FASTKD2: variants seen among roughly 807,000 people sequenced by gnomAD.
FASTKD2 encodes the protein FAST kinase domain-containing protein 2, mitochondrial.
Under a neutral mutation model 63.6 loss-of-function variants are expected in FASTKD2, and 51 were observed. The ratio of observed to expected loss-of-function variants is 0.80; its 90% CI spans 0.64 to 1.01. The LOEUF is 1.01. Among genes scored for constraint, FASTKD2 ranks in the 50% least tolerant of loss-of-function variants. The pLI is 0.00. For missense variants in FASTKD2, 786 were observed against 831.1 expected, an observed-to-expected ratio of 0.95 and a Z score of 0.67; for synonymous variants, 284 against 293.4, an observed-to-expected ratio of 0.97 and a Z score of 0.33.
chr2:206,767,221 G>C lies in FASTKD2; in HGVS notation c.528G>C (p.Ala176=), dbSNP rs532997479. 2 of 1,614,166 alleles carry C rather than the reference G, an allele frequency of 1.2e-6. No homozygotes were observed. Among genetic ancestry groups the C allele is most frequent in the Admixed American group, 3.3e-5 (2 of 60,018 alleles). ...LSDVLDAFSK[A]PTFPSSNYFT... ...ATGTGTTAGATGCATTTTCAAAAGCGCCCACATTTCCTAGTAGCAACTATT... is the reference window on the plus strand; with the variant it reads ...ATGTGTTAGATGCATTTTCAAAAGCCCCCACATTTCCTAGTAGCAACTATT... The change falls in exon 2 of 12, where the codon GCG becomes GCC. Residue 176 remains alanine (A), a synonymous_variant. Coordinates refer to ENST00000402774, the MANE Select transcript of FASTKD2 (RefSeq NM_001136193.2).
At chr2:206,773,328 A>C (rs1418766189) in intron 6 of FASTKD2, among the ~76,000 whole-genome samples, 1 of 151,858 alleles carries the variant, frequency 6.6e-6, no homozygotes, top group Non-Finnish European at 1.5e-5. Context: ...AAAAAAAAAA[A>C]AAAAAAAAAG....
rs1559367403 is a variant in FASTKD2, at chr2:206,790,687, G to C, written c.2013+1G>C. 2 of 1,549,760 alleles carry C rather than the reference G, an allele frequency of 1.3e-6. No homozygotes were observed. The highest frequency in any genetic ancestry group is 1.7e-5 in the Admixed American group (1 of 59,922). ...TGCAATGGGTTTTCATGTGATCTTG[G>C]TGAGAAAAAAATGCAAATGAAATAT... On this transcript the variant is annotated splice_donor_variant, in intron 11 of 11. Transcript: ENST00000402774. LOFTEE classifies it high-confidence loss of function.
Position 206,791,295 on chromosome 2 carries a change from C to T in FASTKD2, c.2014-388C>T, listed in dbSNP as rs577005006. 3.6e-4 allele frequency: 80 copies of T among 219,474 alleles called. 2 individuals are homozygous for T. In the South Asian group the frequency reaches 4.8e-3, roughly 13 times the overall value. The allele number at this position is 219,474 out of a possible 1,614,324, so 13.6% of individuals were successfully genotyped here. ...CGCATAATGTAAGATGTAAACATTCCAAGTCTTCTATTATTATACTTTAGT... is the reference window on the plus strand; with the variant it reads ...CGCATAATGTAAGATGTAAACATTCTAAGTCTTCTATTATTATACTTTAGT... On this transcript the variant is annotated intron_variant, in intron 11 of 11. Transcript: ENST00000402774.
chr2:206,767,574 G>A lies in FASTKD2; in HGVS notation c.777+104G>A, dbSNP rs1574661633. The A allele has an allele frequency of 2.3e-5, 20 of 878,128 alleles. No individual in the cohort carries two copies. In the East Asian group the frequency reaches 5.2e-4, roughly 23 times the overall value. 54.4% of individuals were successfully genotyped at this position (878,128 alleles called of 1,614,324 possible). A position where few individuals can be genotyped will look rare whatever the true frequency, so the allele number is the denominator to read the frequency against. On this transcript the variant is annotated intron_variant, in intron 2 of 11. Coordinates refer to ENST00000402774, the MANE Select transcript of FASTKD2 (RefSeq NM_001136193.2). ...GCCTTCTTAAAAGAGACTATCAAAT[G>A]GAATGGTAGTTTCCTTTATATTTAT...
At position 206,770,006 on chromosome 2, in the gene FASTKD2, T is replaced by C; in HGVS notation, c.778-85T>C. The C allele has an allele frequency of 4.8e-6, 4 of 828,668 alleles. No homozygotes were observed. The Admixed American group carries it at 6.9e-5, about 14-fold the overall frequency. 51.3% of individuals were successfully genotyped at this position (828,668 alleles called of 1,614,324 possible). A position where few individuals can be genotyped will look rare whatever the true frequency, so the allele number is the denominator to read the frequency against. ...TTTGATACTCAATCGTTTTATTCAG[T>C]ACATCAGTTCAGTGGTTTTGCTTGG... On this transcript the variant is annotated intron_variant, in intron 2 of 11. Coordinates refer to ENST00000402774, the MANE Select transcript of FASTKD2 (RefSeq NM_001136193.2).
chr2:206,791,098 G>A lies in FASTKD2; in HGVS notation c.2013+412G>A, dbSNP rs149920449. Reference sequence around the variant, plus strand: ...TGTTTGTTGCCAGAAAAGGCTGGATGGTTTTAAGAAGATGGGTCTTTCTCT... The same window carrying A: ...TGTTTGTTGCCAGAAAAGGCTGGATAGTTTTAAGAAGATGGGTCTTTCTCT... On this transcript the variant is annotated intron_variant, in intron 11 of 11. Coordinates refer to ENST00000402774, the MANE Select transcript of FASTKD2 (RefSeq NM_001136193.2). The A allele has an allele frequency of 3.3e-3, 757 of 226,358 alleles. 10 individuals carry two copies. The highest frequency in any genetic ancestry group is 0.016 in the African/African-American group (710 of 43,104). The allele number at this position is 226,358 out of a possible 1,614,324, so 14.0% of individuals were successfully genotyped here.
At chr2:206,785,563 G>A (rs1559365392) in intron 7 of FASTKD2, among the ~76,000 whole-genome samples, 1 of 152,130 alleles carries the variant, frequency 6.6e-6, no homozygotes, top group East Asian at 1.9e-4. Flanking sequence ...GAGGTACAGG[G>A]TGAGGAGTGG....
chr2:206,771,648 C>T (rs13418063), intron 4 of FASTKD2, among the ~76,000 whole-genome samples: 1 of 103,022 alleles, frequency 9.7e-6, no homozygotes, highest in East Asian at 3.2e-4. Context: ...AAGACCCTGT[C>T]TCTGCAAAAA....
Position 206,791,875 on chromosome 2 carries a change from A to G in FASTKD2, c.*73A>G. 7.1e-7 allele frequency: 1 copy of G among 1,411,504 alleles called. No homozygotes were observed. Among genetic ancestry groups the G allele is most frequent in the Non-Finnish European group, 9.9e-7 (1 of 1,013,340 alleles). The allele number at this position is 1,411,504 out of a possible 1,614,324, so 87.4% of individuals were successfully genotyped here. A position where few individuals can be genotyped will look rare whatever the true frequency, so the allele number is the denominator to read the frequency against. ...TAATAAAGATGACAAGTCAGTTGTC[A>G]ATGGAATTGAGCTATCTGCTAAGAC... On this transcript the variant is annotated 3_prime_UTR_variant, in exon 12 of 12. Transcript: ENST00000402774.
chr2:206,780,106 A>G, intron 7 of FASTKD2, among the ~76,000 whole-genome samples: 1 of 150,958 alleles, frequency 6.6e-6, no homozygotes, highest in Admixed American at 6.6e-5. Context: ...AGTTACAGTT[A>G]TTCTTGATAG....
chr2:206,774,428 T>C, intron 7 of FASTKD2, 31 bp downstream of exon 7: 1 of 1,396,468 alleles, frequency 7.2e-7, no homozygotes, highest in South Asian at 1.2e-5. Context: ...ACCTTTTTTA[T>C]TGCCATATAA....
rs1690412645 is a variant in FASTKD2 at position 206,795,207 on chromosome 2, G to C, written c.*3405G>C. 6.6e-6 allele frequency among the ~76,000 whole-genome samples: 1 copy of C among 152,228 alleles called. No individual in the cohort carries two copies. The highest frequency in any genetic ancestry group is 1.5e-5 in the Non-Finnish European group (1 of 68,036). On this transcript the variant is annotated 3_prime_UTR_variant, in exon 12 of 12. Coordinates refer to ENST00000402774, the MANE Select transcript of FASTKD2 (RefSeq NM_001136193.2). ...GTGGAGCTTCCTGGCCAGGAGGGCA[G>C]TGGCTGCCCAGAAGGCAGGAGATGG...
intron 2 of FASTKD2, among the ~76,000 whole-genome samples, chr2:206,768,896 C>T (rs1689595350): frequency 6.6e-6 from 1 of 152,174 alleles, no homozygotes; most frequent in Non-Finnish European, 1.5e-5. Context: ...TTTGTTTAAA[C>T]CACAGAATAT....
In FASTKD2 at chr2:206,793,976, G is replaced by A. The variant is rs766457471; in HGVS notation, c.*2174G>A. Among the ~76,000 whole-genome samples the A allele has an allele frequency of 7.2e-5, 11 of 152,130 alleles. No individual in the cohort carries two copies. Among genetic ancestry groups the A allele is most frequent in the South Asian group, 2.1e-4 (1 of 4,818 alleles). ...GAGGCAAGCACTTGCATAAGCTGTT[G>A]GTAGACTGTAAATTAATACCTTTCT... On this transcript the variant is annotated 3_prime_UTR_variant, in exon 12 of 12. Transcript: ENST00000402774.
Position 206,766,985 on chromosome 2 carries a change from C to T in FASTKD2, c.292C>T (p.Leu98=). ...VGFQTKGIST[L]TALRIERLLY... ...CTTTCAAACAAAGGGCATAAGCACT[C>T]TAACAGCCCTTAGAATTGAAAGACT... The change falls in exon 2 of 12, where the codon CTA becomes TTA. Residue 98 remains leucine, a synonymous_variant. Transcript: ENST00000402774. 1 of 1,613,106 alleles carries T rather than the reference C, an allele frequency of 6.2e-7. No individual in the cohort carries two copies. Among genetic ancestry groups the T allele is most frequent in the East Asian group, 2.2e-5 (1 of 44,852 alleles).
At chr2:206,787,129 G>A (rs1690158374) in intron 8 of FASTKD2, among the ~76,000 whole-genome samples, 1 of 152,072 alleles carries the variant, frequency 6.6e-6, no homozygotes, top group African/African-American at 2.4e-5. Flanking sequence ...AAAAAATAAG[G>A]AATGCATCAT....
chr2:206,766,565 T>C (rs1325089545), intron 1 of FASTKD2, 79 bp from the exon 2 acceptor site: 1 of 850,090 alleles, frequency 1.2e-6, no homozygotes, highest in Admixed American at 2.2e-5. Flanking sequence ...CCATTTTCTC[T>C]TCTGTTAAAT....
rs1690335803 is a variant in FASTKD2 at position 206,793,160 on chromosome 2, T to G, written c.*1358T>G. 7.2e-6 allele frequency among the ~76,000 whole-genome samples: 1 copy of G among 138,554 alleles called. No individual in the cohort carries two copies. Among genetic ancestry groups the G allele is most frequent in the South Asian group, 2.2e-4 (1 of 4,532 alleles). The allele number at this position is 138,554 out of a possible 152,430, so 90.9% of individuals were successfully genotyped here. The stretch of plus-strand genomic sequence containing the variant: ...TCGCTTGAACCCGGGAGGTGGAGAT[T>G]GCAGTGAGCCAAGATGGTCCTGCTG... On this transcript the variant is annotated 3_prime_UTR_variant, in exon 12 of 12. Transcript: ENST00000402774.
At chr2:206,778,365 A>C (rs1218908395) in intron 7 of FASTKD2, among the ~76,000 whole-genome samples, 1 of 151,736 alleles carries the variant, frequency 6.6e-6, no homozygotes, top group Non-Finnish European at 1.5e-5. Context: ...ATTTGTCTTG[A>C]AATATTTTCT....
Sources: allele counts gnomAD v4.1 joint callset (sites outside exome capture counted in the v4.1 genomes callset), GRCh38; gene constraint gnomAD v4.1.1; transcripts MANE v1.5; gene names NCBI Gene and HGNC (gene_info 2026-07-23, HGNC 2026-07-21).